Variants in AUTS2 observed in about 807,000 individuals in gnomAD.
AUTS2 encodes the protein activator of transcription and developmental regulator AUTS2, also known as autism susceptibility gene 2 protein.
AUTS2 carries 17 observed loss-of-function variants against 112.4 expected under a neutral mutation model. That is an observed-to-expected ratio of 0.15 (90% CI 0.10 to 0.23). The LOEUF is 0.23. Among genes scored for constraint, AUTS2 ranks in the 10% least tolerant of loss-of-function variants. The probability of loss-of-function intolerance (pLI) is 1.00; values close to 1 mark genes in which losing one functional copy is unlikely to be tolerated. For missense variants in AUTS2, 1,510 were observed against 1,701.6 expected (o/e 0.89, Z 1.98); for synonymous variants, 751 against 702.7 (o/e 1.07, Z -1.09).
intron 4 of AUTS2, among the ~76,000 whole-genome samples, chr7:70,328,982 C>G (rs1790620474): frequency 6.6e-6 from 1 of 152,152 alleles, no homozygotes; most frequent in Non-Finnish European, 1.5e-5. Context: ...CAGTAAACCT[C>G]TGATCTGTGT....
At chr7:70,012,911 T>G (rs947004222) in intron 2 of AUTS2, among the ~76,000 whole-genome samples, 5 of 152,184 alleles carry the variant, frequency 3.3e-5, no homozygotes, top group African/African-American at 1.2e-4. Flanking sequence ...TGTAGAGAAA[T>G]AAGTGCTCAT....
At chr7:70,012,153 T>C (rs1799835366) in intron 2 of AUTS2, among the ~76,000 whole-genome samples, 1 of 152,178 alleles carries the variant, frequency 6.6e-6, no homozygotes, top group South Asian at 2.1e-4. Context: ...ATTTGTGATC[T>C]GTGGAGAAGG....
intron 5 of AUTS2, among the ~76,000 whole-genome samples, chr7:70,656,767 A>G (rs1019588058): frequency 5.5e-4 from 84 of 152,162 alleles, no homozygotes; most frequent in Middle Eastern, 3.2e-3. Context: ...ACAGGAGGAC[A>G]TCGTAGCCAC....
At chr7:70,129,030 C>G (rs1012026666) in intron 3 of AUTS2, among the ~76,000 whole-genome samples, 1 of 152,142 alleles carries the variant, frequency 6.6e-6, no homozygotes, top group Non-Finnish European at 1.5e-5. Context: ...CAAATTATGT[C>G]ATTGTATTAG....
chr7:69,985,035 A>G (rs1798448230), intron 2 of AUTS2, among the ~76,000 whole-genome samples: 1 of 152,146 alleles, frequency 6.6e-6, no homozygotes, highest in Admixed American at 6.6e-5. Context: ...TCTTTCAGCC[A>G]TGTCTCTGAA....
chr7:70,714,827 A>G (rs1451618412), intron 6 of AUTS2, among the ~76,000 whole-genome samples: 1 of 152,246 alleles, frequency 6.6e-6, no homozygotes, highest in Non-Finnish European at 1.5e-5. Context: ...CATTGCAACG[A>G]ACCTCATGTT....
intron 1 of AUTS2, among the ~76,000 whole-genome samples, chr7:69,700,560 A>G (rs906229942): frequency 2.6e-5 from 4 of 152,176 alleles, no homozygotes; most frequent in Admixed American, 6.5e-5. Flanking sequence ...GGGATTTTCC[A>G]TATGGAGTGA....
At chr7:70,558,841 G>A (rs1269875988) in intron 5 of AUTS2, among the ~76,000 whole-genome samples, 5 of 152,192 alleles carry the variant, frequency 3.3e-5, no homozygotes. Flanking sequence ...TTCTTGTGGA[G>A]TGAAGCCCAG....
intron 2 of AUTS2, among the ~76,000 whole-genome samples, chr7:69,952,673 A>G (rs1258181609): frequency 1.3e-5 from 2 of 152,180 alleles, no homozygotes; most frequent in Non-Finnish European, 2.9e-5. Context: ...ACAATATACT[A>G]GGACCTACAT....
intron 5 of AUTS2, among the ~76,000 whole-genome samples, chr7:70,548,563 A>G: frequency 6.6e-6 from 1 of 152,148 alleles, no homozygotes. Context: ...TATGTGGCTG[A>G]GGTACTTTTT....
chr7:70,687,991 G>A (rs911022745), intron 5 of AUTS2, among the ~76,000 whole-genome samples: 3 of 152,158 alleles, frequency 2.0e-5, no homozygotes, highest in African/African-American at 4.8e-5. Flanking sequence ...GGACAACCTC[G>A]GCCTGCCTCC....
intron 1 of AUTS2, among the ~76,000 whole-genome samples, chr7:69,688,667 G>A (rs748812005): frequency 3.9e-5 from 6 of 152,028 alleles, no homozygotes; most frequent in Admixed American, 6.6e-5. Context: ...TTGACAATAC[G>A]TAATATATTA....
At chr7:70,553,233 C>T (rs1801087666) in intron 5 of AUTS2, among the ~76,000 whole-genome samples, 1 of 152,200 alleles carries the variant, frequency 6.6e-6, no homozygotes, top group Non-Finnish European at 1.5e-5. Flanking sequence ...CAGCCTTCAC[C>T]CAAGCCATCT....
intron 1 of AUTS2, among the ~76,000 whole-genome samples, chr7:69,692,924 C>T (rs573786602): frequency 5.8e-4 from 89 of 152,274 alleles, no homozygotes; most frequent in Admixed American, 5.9e-4. Context: ...ATGCACTGAC[C>T]GAGAGACTTC....
chr7:69,882,993 C>T (rs1050704432), intron 1 of AUTS2, among the ~76,000 whole-genome samples: 24 of 152,170 alleles, frequency 1.6e-4, no homozygotes, highest in Non-Finnish European at 2.9e-4. Flanking sequence ...GGAAGTATCC[C>T]AAGCACTTTC....
chr7:69,885,532 C>T (rs917647666), intron 1 of AUTS2, among the ~76,000 whole-genome samples: 3 of 152,156 alleles, frequency 2.0e-5, no homozygotes, highest in African/African-American at 7.2e-5. Flanking sequence ...CAATACTAAA[C>T]TGTAATTTAA....
At chr7:70,363,633 G>T (rs1792393123) in intron 4 of AUTS2, among the ~76,000 whole-genome samples, 1 of 151,536 alleles carries the variant, frequency 6.6e-6, no homozygotes, top group Admixed American at 6.6e-5. Flanking sequence ...TAACTCAACG[G>T]GTATTTATAT....
At chr7:70,125,955 T>A (rs1293503431) in intron 3 of AUTS2, among the ~76,000 whole-genome samples, 1 of 152,176 alleles carries the variant, frequency 6.6e-6, no homozygotes, top group Non-Finnish European at 1.5e-5. Context: ...CTTTCACCCA[T>A]TTTAGTGATA....
intron 1 of AUTS2, among the ~76,000 whole-genome samples, chr7:69,813,853 C>T (rs1005529142): frequency 3.3e-5 from 5 of 152,184 alleles, no homozygotes; most frequent in African/African-American, 1.2e-4. Flanking sequence ...CAGACTTAGA[C>T]TCTGGGTGTG....
Sources: allele counts gnomAD v4.1 joint callset (sites outside exome capture counted in the v4.1 genomes callset), GRCh38; gene constraint gnomAD v4.1.1; transcripts MANE v1.5; gene names NCBI Gene and HGNC (gene_info 2026-07-23, HGNC 2026-07-21).